Variants in KDM3A observed in about 807,000 individuals in gnomAD.
KDM3A encodes the protein lysine demethylase 3A, also known as lysine-specific demethylase 3A.
Under a neutral mutation model 158.0 loss-of-function variants are expected in KDM3A, and 60 were observed. That is an observed-to-expected ratio of 0.38 (90% CI 0.31 to 0.47). KDM3A has a LOEUF of 0.47. KDM3A is among the 20% of genes least tolerant of loss of function. The pLI is 0.99. For synonymous variants in KDM3A, 608 were observed against 549.3 expected, an observed-to-expected ratio of 1.11 and a Z score of -1.49; for missense variants, 1,319 against 1,574.3, an observed-to-expected ratio of 0.84 and a Z score of 2.74.
chr2:86,474,005 G>A (rs1673536110), intron 11 of KDM3A, among the ~76,000 whole-genome samples: 1 of 152,152 alleles, frequency 6.6e-6, no homozygotes, highest in Non-Finnish European at 1.5e-5. Context: ...TGACTATCTA[G>A]GGGTTACCCT....
intron 9 of KDM3A, among the ~76,000 whole-genome samples, chr2:86,465,984 C>A (rs73949511): frequency 6.6e-6 from 1 of 150,862 alleles, no homozygotes; most frequent in African/African-American, 2.4e-5. Context: ...CGGAATTGCC[C>A]CTACACAGAC....
In KDM3A at chr2:86,478,211, A is replaced by G; in HGVS notation, c.2134A>G (p.Ser712Gly). ...KTFSWLKCVK[S>G]QIHEPENLMP... ...TTTCTCTTGGCTAAAATGTGTGAAGAGTCAGATACATGAACCAGAGAACTT... is the reference window on the plus strand; with the variant it reads ...TTTCTCTTGGCTAAAATGTGTGAAGGGTCAGATACATGAACCAGAGAACTT... Residue 712 changes from serine to glycine, a missense_variant, in exon 14 of 26, where the codon AGT (serine) becomes GGT (glycine). Around this residue, in one of 4 missense-constraint regions of KDM3A, gnomAD observed 368 missense variants for 415.8 expected, o/e 0.89. Coordinates refer to ENST00000312912, the MANE Select transcript of KDM3A (RefSeq NM_018433.6). 1.2e-6 allele frequency: 2 copies of G among 1,614,146 alleles called. No homozygotes were observed. The highest frequency in any genetic ancestry group is 2.2e-5 in the East Asian group (1 of 44,886).
Position 86,484,120 on chromosome 2 carries a change from CAGT to C in KDM3A, c.3059_3061del (p.Val1020del). 6.2e-7 allele frequency: 1 copy of C among 1,613,874 alleles called. No individual in the cohort carries two copies. ...ACCAATGAAATCATCACAGGAGCCA[CAGT>C]AGGAGACTTCTGGGATGGATTTGAA... On this transcript the variant is annotated inframe_deletion, in exon 19 of 26. Coordinates refer to ENST00000312912, the MANE Select transcript of KDM3A (RefSeq NM_018433.6).
chr2:86,444,616 G>C (rs1682879864), intron 2 of KDM3A, among the ~76,000 whole-genome samples: 1 of 146,510 alleles, frequency 6.8e-6, no homozygotes. Context: ...CTAAGACCAT[G>C]CTTACACTAG....
At chr2:86,444,553 C>G (rs994885057) in intron 2 of KDM3A, among the ~76,000 whole-genome samples, 3 of 144,624 alleles carry the variant, frequency 2.1e-5, no homozygotes, top group Non-Finnish European at 4.5e-5. Context: ...CTCCTGGGCT[C>G]AAAACACCAA....
intron 9 of KDM3A, among the ~76,000 whole-genome samples, chr2:86,464,667 G>A (rs892239769): frequency 1.3e-5 from 2 of 152,098 alleles, no homozygotes; most frequent in African/African-American, 4.8e-5. Context: ...AAATGAGGAA[G>A]CAATATCTGT....
chr2:86,446,667 G>A lies in KDM3A; in HGVS notation c.187-3140G>A, dbSNP rs991314972. ...AGAGGATGCAGTGAGCTGAGATCGC[G>A]CCACTACACTCCAGCTTGGGCAACA... On this transcript the variant is annotated intron_variant, in intron 2 of 25. Coordinates refer to ENST00000312912, the MANE Select transcript of KDM3A (RefSeq NM_018433.6). 2.0e-5 allele frequency among the ~76,000 whole-genome samples: 3 copies of A among 152,130 alleles called. No homozygotes were observed. The East Asian group carries it at 5.8e-4, about 29-fold the overall frequency.
At chr2:86,439,180 T>G (rs1308686411), upstream of KDM3A, among the ~76,000 whole-genome samples, 2 of 152,064 alleles carry the variant, frequency 1.3e-5, no homozygotes, top group South Asian at 2.1e-4. Flanking sequence ...ACTCTTAAGA[T>G]CACAAGTGTT....
At chr2:86,441,969 C>T in intron 1 of KDM3A, 49 bp from the exon 2 acceptor site, 3 of 1,509,466 alleles carry the variant, frequency 2.0e-6, no homozygotes, top group East Asian at 2.3e-5. Context: ...TCCGCCCGGC[C>T]CCCTCCCACC....
intron 21 of KDM3A, chr2:86,488,827 TC>T (rs1192370509): frequency 1.3e-5 from 2 of 156,328 alleles, no homozygotes; most frequent in African/African-American, 4.8e-5. Context: ...GACCTGTCTT[TC>T]TGGCTCACTC....
At chr2:86,443,318 C>T (rs1682818848) in intron 2 of KDM3A, 1 of 152,238 alleles carries the variant, frequency 6.6e-6, no homozygotes. Flanking sequence ...TTCTGAAACA[C>T]TGTTCATTTG....
In KDM3A at chr2:86,489,647, A is replaced by G. The variant is rs76610646; in HGVS notation, c.3561A>G (p.Glu1187=). ...YAAKDTEKIR[E]FLKKVSEEQG... Reference sequence around the variant, plus strand: ...CAAAGGACACGGAGAAGATAAGGGAATTTCTTAAAAAGGTGTGCTGCTTAT... The same window carrying G: ...CAAAGGACACGGAGAAGATAAGGGAGTTTCTTAAAAAGGTGTGCTGCTTAT... Residue 1187 remains glutamate, a synonymous_variant, in exon 23 of 26, where the codon GAA becomes GAG. Coordinates refer to ENST00000312912, the MANE Select transcript of KDM3A (RefSeq NM_018433.6). The G allele has an allele frequency of 3.6e-4, 582 of 1,610,606 alleles. 3 individuals are homozygous for G. In the East Asian group the frequency reaches 0.012, roughly 34 times the overall value.
chr2:86,471,301 GTA>G (rs1222303849), intron 11 of KDM3A, among the ~76,000 whole-genome samples: 4 of 146,596 alleles, frequency 2.7e-5, no homozygotes, highest in Admixed American at 1.3e-4. Flanking sequence ...ATATATGTGT[GTA>G]TGTGTATATA....
At chr2:86,458,676 C>G (rs1380272207) in intron 8 of KDM3A, among the ~76,000 whole-genome samples, 1 of 152,106 alleles carries the variant, frequency 6.6e-6, no homozygotes, top group African/African-American at 2.4e-5. Flanking sequence ...TGGGCAGAGC[C>G]TCTCAGACAG....
intron 23 of KDM3A, 90 bp from the exon 24 acceptor site, chr2:86,490,791 T>TA: frequency 1.1e-6 from 1 of 918,912 alleles, no homozygotes; most frequent in Middle Eastern, 3.4e-4. Context: ...GCCTGACATT[T>TA]ATGAACTGCC....
In KDM3A at chr2:86,474,818, C is replaced by T; in HGVS notation, c.1767C>T (p.Phe589=). 4 of 1,597,850 alleles carry T rather than the reference C, an allele frequency of 2.5e-6. No individual in the cohort carries two copies. The highest frequency in any genetic ancestry group is 3.4e-6 in the Non-Finnish European group (4 of 1,169,840). ...NKHGVLRVEG[F]LTPNKYDNEA... is the part of the protein sequence containing the mutation. ...ATGGTGTGTTGCGGGTAGAAGGCTT[C>T]TTAACACCAAACAAGTATGACAATG... The change falls in exon 12 of 26, where the codon TTC becomes TTT. Residue 589 remains phenylalanine (F), a synonymous_variant. Transcript: ENST00000312912.
chr2:86,472,357 C>T (rs1252323281), intron 11 of KDM3A, among the ~76,000 whole-genome samples: 1 of 151,848 alleles, frequency 6.6e-6, no homozygotes, highest in Non-Finnish European at 1.5e-5. Flanking sequence ...AACTTTTTTC[C>T]TGATGTTTAG....
At chr2:86,465,717 G>A (rs888657711) in intron 9 of KDM3A, among the ~76,000 whole-genome samples, 3 of 151,828 alleles carry the variant, frequency 2.0e-5, no homozygotes, top group Admixed American at 6.6e-5. Context: ...CCCATTGTTC[G>A]TTTTTAATTA....
rs751773209 is a variant in KDM3A at position 86,449,925 on chromosome 2, C to G, written c.305C>G (p.Pro102Arg). Residue 102 changes from proline (P) to arginine (R), a missense_variant, in exon 3 of 26, where the codon CCT (proline) becomes CGT (arginine). Around this residue, in one of 4 missense-constraint regions of KDM3A, gnomAD observed 652 missense variants for 627.2 expected, o/e 1.04. Transcript: ENST00000312912. ...HNLVLAERKS[P>R]EISERIVQWP... ...TTGGTTTTAGCTGAACGAAAGTCAC[C>G]TGAAATTTCTGAACGAATTGTACAG... The G allele has an allele frequency of 6.2e-7, 1 of 1,613,600 alleles. No homozygotes were observed. Among genetic ancestry groups the G allele is most frequent in the African/African-American group, 1.3e-5 (1 of 74,958 alleles).
Sources: allele counts gnomAD v4.1 joint callset (sites outside exome capture counted in the v4.1 genomes callset), GRCh38; gene constraint gnomAD v4.1.1; regional missense constraint gnomAD v4.1.1; transcripts MANE v1.5; gene names NCBI Gene and HGNC (gene_info 2026-07-23, HGNC 2026-07-21).